The following CA13 variants were observed in gnomAD, a reference collection of about 807,000 sequenced individuals.
CA13 encodes the protein CA-XIII.
Under a neutral mutation model 31.5 loss-of-function variants are expected in CA13, and 21 were observed. That is an observed-to-expected ratio of 0.67 (90% confidence interval 0.47 to 0.96). The LOEUF is 0.96. CA13 is among the 40% of genes least tolerant of loss of function. The pLI, the probability that CA13 is intolerant of heterozygous loss-of-function variation, is 0.00. For missense variants in CA13, 315 were observed against 318.9 expected (o/e 0.99, Z 0.09); for synonymous variants, 117 against 111.4 (o/e 1.05, Z -0.32).
chr8:85,262,254 G>C (rs941877318), intron 3 of CA13, among the ~76,000 whole-genome samples: 1 of 152,074 alleles, frequency 6.6e-6, no homozygotes, highest in Non-Finnish European at 1.5e-5. Flanking sequence ...TCTTTACACA[G>C]CTTACTGATG....
chr8:85,277,289 C>A lies in CA13; in HGVS notation c.670-3941C>A, dbSNP rs560594789. On this transcript the variant is annotated intron_variant, in intron 6 of 6. Coordinates refer to ENST00000321764, the MANE Select transcript of CA13 (RefSeq NM_198584.3). The stretch of plus-strand genomic sequence containing the variant: ...AGGTCTGCAGCTTCACTCCTGAAGC[C>A]AGCGAGACCACGAACCCACCGGGAG... Among the ~76,000 whole-genome samples the A allele has an allele frequency of 9.9e-5, 15 of 152,220 alleles. No homozygotes were observed. In the East Asian group the frequency reaches 2.1e-3, roughly 22 times the overall value.
Position 85,282,040 on chromosome 8 carries a change from C to G in CA13, c.*691C>G, listed in dbSNP as rs908833625. On this transcript the variant is annotated 3_prime_UTR_variant, in exon 7 of 7. Coordinates refer to ENST00000321764, the MANE Select transcript of CA13 (RefSeq NM_198584.3). ...TGATGTTAGATGGAAACTTATATCTCAAATGATAGGATTGTGATGCTTTTT... is the reference window on the plus strand; with the variant it reads ...TGATGTTAGATGGAAACTTATATCTGAAATGATAGGATTGTGATGCTTTTT... 2.6e-5 allele frequency: 4 copies of G among 152,174 alleles called. No individual in the cohort carries two copies. Among genetic ancestry groups the G allele is most frequent in the Non-Finnish European group, 5.9e-5 (4 of 68,024 alleles). The allele number at this position is 152,174 out of a possible 1,614,324, so 9.4% of individuals were successfully genotyped here.
intron 1 of CA13, 21 bp from the exon 2 acceptor site, chr8:85,250,718 CT>C: frequency 6.7e-7 from 1 of 1,491,068 alleles, no homozygotes. Flanking sequence ...TAATCCTTTT[CT>C]TTTGGTCCTA....
chr8:85,260,018 A>G (rs766174457), intron 3 of CA13, among the ~76,000 whole-genome samples: 8 of 152,154 alleles, frequency 5.3e-5, no homozygotes, highest in South Asian at 4.1e-4. Flanking sequence ...GTAAATGGCA[A>G]AGTTTCACTG....
At chr8:85,275,792 C>T (rs911192739) in intron 6 of CA13, among the ~76,000 whole-genome samples, 3 of 152,214 alleles carry the variant, frequency 2.0e-5, no homozygotes, top group African/African-American at 7.2e-5. Flanking sequence ...ACACATTCCT[C>T]GATCAAGGTT....
intron 2 of CA13, among the ~76,000 whole-genome samples, chr8:85,252,047 T>C (rs6987641): frequency 0.74 from 112,590 of 152,074 alleles, 42,459 homozygotes; most frequent in African/African-American, 0.85. Flanking sequence ...TGCTTATGTC[T>C]AGGAGTTCAA....
intron 3 of CA13, among the ~76,000 whole-genome samples, chr8:85,263,350 G>T (rs1363497338): frequency 5.3e-5 from 8 of 152,190 alleles, no homozygotes; most frequent in Admixed American, 5.2e-4. Flanking sequence ...TCAGGGGAAT[G>T]ACATGTTCTG....
At chr8:85,252,406 T>G (rs1401988464) in intron 2 of CA13, among the ~76,000 whole-genome samples, 6 of 147,284 alleles carry the variant, frequency 4.1e-5, no homozygotes, top group Non-Finnish European at 7.5e-5. Context: ...TATATGAAAC[T>G]TTTTTACTGT....
chr8:85,248,861 G>A (rs562923705), intron 1 of CA13, among the ~76,000 whole-genome samples: 44 of 152,292 alleles, frequency 2.9e-4, no homozygotes, highest in African/African-American at 9.6e-4. Flanking sequence ...CATGCATTGC[G>A]CATTTGAAAT....
chr8:85,254,352 C>T (rs1047718525), intron 2 of CA13, among the ~76,000 whole-genome samples: 1 of 151,148 alleles, frequency 6.6e-6, no homozygotes, highest in Non-Finnish European at 1.5e-5. Flanking sequence ...TCATCTAAAA[C>T]TTTAAGTATA....
Position 85,268,555 on chromosome 8 carries a change from T to C in CA13, c.597T>C (p.Leu199=), listed in dbSNP as rs1267693854. The change falls in exon 6 of 7, where the codon CTT becomes CTC. Residue 199 remains leucine (L), a synonymous_variant. Transcript: ENST00000321764. ...SWDYWTYPGS[L]TVPPLLESVT... ...ACTACTGGACATATCCTGGTTCTCT[T>C]ACAGTTCCACCTCTTCTTGAGAGTG... The C allele has an allele frequency of 6.2e-7, 1 of 1,613,986 alleles. No individual in the cohort carries two copies. The highest frequency in any genetic ancestry group is 2.2e-5 in the East Asian group (1 of 44,876).
In CA13 at chr8:85,281,537, G is replaced by A; in HGVS notation, c.*188G>A. The A allele has an allele frequency of 1.6e-6, 2 of 1,278,478 alleles. No homozygotes were observed. Among genetic ancestry groups the A allele is most frequent in the Non-Finnish European group, 2.0e-6 (2 of 999,900 alleles). The allele number at this position is 1,278,478 out of a possible 1,614,324, so 79.2% of individuals were successfully genotyped here. On this transcript the variant is annotated 3_prime_UTR_variant, in exon 7 of 7. Transcript: ENST00000321764. ...TTTTTTTTTATTTTTTTTAGTGATA[G>A]AGTCTCACTCTGTCACCCAGGCTGG...
rs533498539 is a variant in CA13 at position 85,250,042 on chromosome 8, A to T, written c.38-698A>T. ...GAAATTCAAATGTAACATTGGCAAAATAACCATAGAAGAACCTTCTGAAAT... is the reference window on the plus strand; with the variant it reads ...GAAATTCAAATGTAACATTGGCAAATTAACCATAGAAGAACCTTCTGAAAT... On this transcript the variant is annotated intron_variant, in intron 1 of 6. Coordinates refer to ENST00000321764, the MANE Select transcript of CA13 (RefSeq NM_198584.3). 2.6e-5 allele frequency among the ~76,000 whole-genome samples: 4 copies of T among 152,358 alleles called. No individual in the cohort carries two copies. In the South Asian group the frequency reaches 8.3e-4, roughly 32 times the overall value.
chr8:85,280,800 A>T (rs557175600), intron 6 of CA13, among the ~76,000 whole-genome samples: 1 of 152,330 alleles, frequency 6.6e-6, no homozygotes, highest in East Asian at 1.9e-4. Context: ...GTTGATATGT[A>T]TTGGCATGCA....
chr8:85,268,775 C>G (rs1486994054), intron 6 of CA13, 148 bp downstream of exon 6: 6 of 633,122 alleles, frequency 9.5e-6, no homozygotes, highest in Non-Finnish European at 1.6e-5. Context: ...CTAGATGAGA[C>G]CTATGTCCCT....
intron 3 of CA13, among the ~76,000 whole-genome samples, chr8:85,259,868 A>C (rs888219347): frequency 6.6e-6 from 1 of 152,202 alleles, no homozygotes. Flanking sequence ...TCAAATTACA[A>C]ATTGTTTCTA....
At chr8:85,275,736 G>T (rs1045100119) in intron 6 of CA13, among the ~76,000 whole-genome samples, 1 of 152,102 alleles carries the variant, frequency 6.6e-6, no homozygotes, top group Admixed American at 6.5e-5. Flanking sequence ...TACGACTACC[G>T]GATACTCCTA....
At chr8:85,257,695 G>T (rs1015140114) in intron 2 of CA13, among the ~76,000 whole-genome samples, 1 of 134,756 alleles carries the variant, frequency 7.4e-6, no homozygotes, top group Non-Finnish European at 1.6e-5. Flanking sequence ...GGGCAGCAGA[G>T]ACCTTGTCTC....
intron 2 of CA13, among the ~76,000 whole-genome samples, chr8:85,259,027 C>G (rs1240368466): frequency 6.6e-6 from 1 of 152,096 alleles, no homozygotes; most frequent in Non-Finnish European, 1.5e-5. Flanking sequence ...TGTGCTCAAA[C>G]CACAATGCTG....
Sources: allele counts gnomAD v4.1 joint callset (sites outside exome capture counted in the v4.1 genomes callset), GRCh38; gene constraint gnomAD v4.1.1; transcripts MANE v1.5; gene names NCBI Gene and HGNC (gene_info 2026-07-23, HGNC 2026-07-21).